Variants in CMIP observed in about 807,000 individuals in gnomAD.
CMIP encodes c-Maf inducing protein.
CMIP carries 13 observed loss-of-function variants against 97.3 expected under a neutral mutation model. The observed-to-expected ratio is 0.13, with a 90% CI of 0.09 to 0.21. CMIP has a LOEUF of 0.21. Ranked by LOEUF, CMIP falls within the 10% of genes least tolerant of loss-of-function variation. The pLI, the probability that CMIP is intolerant of heterozygous loss-of-function variation, is 1.00. For missense variants in CMIP, 847 were observed against 1,024.9 expected, an observed-to-expected ratio of 0.83 and a Z score of 2.37; for synonymous variants, 538 against 436.3, an observed-to-expected ratio of 1.23 and a Z score of -2.91.
At chr16:81,571,348 A>C (rs1328284650) in intron 1 of CMIP, among the ~76,000 whole-genome samples, 1 of 151,984 alleles carries the variant, frequency 6.6e-6, no homozygotes, top group Non-Finnish European at 1.5e-5. Flanking sequence ...GTGTGCCTAT[A>C]GTTCCAGTTA....
intron 1 of CMIP, among the ~76,000 whole-genome samples, chr16:81,542,921 G>C (rs1218276330): frequency 3.3e-5 from 5 of 152,260 alleles, no homozygotes; most frequent in East Asian, 1.9e-4. Flanking sequence ...GAAGAACAGA[G>C]AGAAGGAACG....
chr16:81,705,848 A>C (rs1292621129), intron 19 of CMIP, among the ~76,000 whole-genome samples: 1 of 152,354 alleles, frequency 6.6e-6, no homozygotes, highest in African/African-American at 2.4e-5. Flanking sequence ...AAAAATGAGT[A>C]AGGCCAGCCC....
At chr16:81,497,799 C>T (rs1009420273) in intron 1 of CMIP, among the ~76,000 whole-genome samples, 14 of 152,250 alleles carry the variant, frequency 9.2e-5, no homozygotes, top group Admixed American at 2.0e-4. Flanking sequence ...ACAGGTGCCC[C>T]GCCGCCTCCT....
At chr16:81,487,571 A>T (rs1056693791) in intron 1 of CMIP, among the ~76,000 whole-genome samples, 1 of 152,210 alleles carries the variant, frequency 6.6e-6, no homozygotes, top group African/African-American at 2.4e-5. Context: ...AGGAAGCCAG[A>T]GCCAGAGCGC....
intron 1 of CMIP, among the ~76,000 whole-genome samples, chr16:81,557,038 A>G (rs1430968712): frequency 6.6e-6 from 1 of 152,248 alleles, no homozygotes; most frequent in Admixed American, 6.5e-5. Context: ...TTAGTTCAGC[A>G]TCAGAGACCA....
chr16:81,460,509 C>A (rs1249518801), intron 1 of CMIP, among the ~76,000 whole-genome samples: 2 of 152,328 alleles, frequency 1.3e-5, no homozygotes, highest in South Asian at 2.1e-4. Flanking sequence ...CAGTGAAAGT[C>A]CTGTGGCCCA....
chr16:81,645,536 G>T (rs1298821570), intron 3 of CMIP: 2 of 1,536,040 alleles, frequency 1.3e-6, no homozygotes, highest in South Asian at 1.2e-5. Context: ...CCTGGCCTGA[G>T]AACCCTGGCA....
At chr16:81,622,985 T>C (rs1324385704) in intron 3 of CMIP, among the ~76,000 whole-genome samples, 1 of 152,186 alleles carries the variant, frequency 6.6e-6, no homozygotes, top group Non-Finnish European at 1.5e-5. Context: ...AGGCGGGTAG[T>C]CTAACTCAGG....
rs1309444816 is a variant in CMIP at position 81,672,040 on chromosome 16, T to C, written c.1004T>C (p.Ile335Thr). ...PNLVAVCLAA[I>T]YSCYEEFINS... ...CTGGTGGCCGTGTGCCTGGCTGCCATCTACTCCTGCTATGAAGAGTTCATC... is the reference window on the plus strand; with the variant it reads ...CTGGTGGCCGTGTGCCTGGCTGCCACCTACTCCTGCTATGAAGAGTTCATC... The change falls in exon 9 of 21, where the codon ATC becomes ACC. Residue 335 changes from isoleucine to threonine, a missense_variant. Ile to Thr is a moderately conservative substitution (Grantham distance 89). Coordinates refer to ENST00000537098, the MANE Select transcript of CMIP (RefSeq NM_198390.3). 2 of 1,604,906 alleles carry C rather than the reference T, an allele frequency of 1.2e-6. No individual in the cohort carries two copies. The highest frequency in any genetic ancestry group is 1.1e-5 in the South Asian group (1 of 89,474).
At chr16:81,698,343 AAAAGACCGCCCAACAC>A (rs1205600931) in intron 14 of CMIP, among the ~76,000 whole-genome samples, 16 of 152,208 alleles carry the variant, frequency 1.1e-4, no homozygotes, top group Non-Finnish European at 1.0e-4. Flanking sequence ...GCACCAGAAC[AAAAGACCGCCCAACAC>A]ATAACCCAAG....
intron 1 of CMIP, among the ~76,000 whole-genome samples, chr16:81,576,349 AG>A (rs2091188539): frequency 6.6e-6 from 1 of 152,158 alleles, no homozygotes; most frequent in Non-Finnish European, 1.5e-5. Flanking sequence ...GGTTGCAGTG[AG>A]CTGAGATCAC....
chr16:81,536,522 A>T (rs1429502054), intron 1 of CMIP, among the ~76,000 whole-genome samples: 1 of 152,232 alleles, frequency 6.6e-6, no homozygotes, highest in Non-Finnish European at 1.5e-5. Context: ...TTAAGTGTGC[A>T]GATCAATAGT....
intron 1 of CMIP, among the ~76,000 whole-genome samples, chr16:81,558,990 C>T (rs958652391): frequency 2.0e-5 from 3 of 152,226 alleles, no homozygotes; most frequent in African/African-American, 7.2e-5. Context: ...CAGCCCTCTC[C>T]TTGTGGGATC....
intron 1 of CMIP, among the ~76,000 whole-genome samples, chr16:81,534,968 T>G (rs2090313388): frequency 6.6e-6 from 1 of 152,192 alleles, no homozygotes; most frequent in Non-Finnish European, 1.5e-5. Flanking sequence ...GTTTGTTTTT[T>G]GAGACGGAGT....
intron 1 of CMIP, among the ~76,000 whole-genome samples, chr16:81,457,511 C>G (rs1906625520): frequency 6.6e-6 from 1 of 152,174 alleles, no homozygotes. Context: ...AGCTTTTATT[C>G]TAGGTTGGCC....
At chr16:81,634,472 AG>A (rs2092208476) in intron 3 of CMIP, among the ~76,000 whole-genome samples, 1 of 152,154 alleles carries the variant, frequency 6.6e-6, no homozygotes, top group Non-Finnish European at 1.5e-5. Context: ...ACGTGTCCAT[AG>A]CTTTCGGGTT....
intron 1 of CMIP, among the ~76,000 whole-genome samples, chr16:81,590,474 G>C (rs571087909): frequency 6.6e-6 from 1 of 152,144 alleles, no homozygotes; most frequent in African/African-American, 2.4e-5. Context: ...CAGCAGCCTC[G>C]CTTCCCCAAG....
In CMIP at chr16:81,652,120, C is replaced by G; in HGVS notation, c.478-83C>G. ...TTCTCAGGGCCCTTTACACCCTAAC[C>G]CATCTGATTCTTTGATTGTCTTCCA... On this transcript the variant is annotated intron_variant, in intron 3 of 20. Transcript: ENST00000537098. The surrounding 1 kb of genome is among the most constrained non-coding windows in gnomAD (Gnocchi z 5.2). 1 of 1,148,274 alleles carries G rather than the reference C, an allele frequency of 8.7e-7. No individual in the cohort carries two copies. The highest frequency in any genetic ancestry group is 1.3e-6 in the Non-Finnish European group (1 of 780,098). 71.1% of individuals were successfully genotyped at this position (1,148,274 alleles called of 1,614,324 possible). A position where few individuals can be genotyped will look rare whatever the true frequency, so the allele number is the denominator to read the frequency against.
At chr16:81,512,296 G>A (rs2150792515) in intron 1 of CMIP, among the ~76,000 whole-genome samples, 1 of 152,018 alleles carries the variant, frequency 6.6e-6, no homozygotes, top group South Asian at 2.1e-4. Context: ...CTCATGCCTT[G>A]GTGGGGGTCT....
Sources: gnomAD v4.1 joint callset for allele counts (sites outside exome capture counted in the v4.1 genomes callset) on GRCh38, gnomAD v4.1.1 for gene constraint, Gnocchi (gnomAD v3.1) non-coding constraint, MANE v1.5 for transcripts, NCBI Gene and HGNC (gene_info 2026-07-23, HGNC 2026-07-21) for gene names.